The following CNTNAP2 variants were observed in gnomAD, a reference collection of about 807,000 sequenced individuals.
CNTNAP2 encodes the protein contactin associated protein 2.
In CNTNAP2, 98 loss-of-function variants were observed where a neutral mutation model predicts 155.2. The ratio of observed to expected loss-of-function variants is 0.63; its 90% confidence interval spans 0.54 to 0.75. The LOEUF is 0.75. Ranked by LOEUF, CNTNAP2 falls within the 30% of genes least tolerant of loss-of-function variation. The probability of loss-of-function intolerance (pLI) is 0.00; values close to 1 mark genes in which losing one functional copy is unlikely to be tolerated. For synonymous variants in CNTNAP2, 651 were observed against 631.2 expected, an observed-to-expected ratio of 1.03 and a Z score of -0.47; for missense variants, 1,727 against 1,688.1, an observed-to-expected ratio of 1.02 and a Z score of -0.40.
At chr7:147,325,244 G>A (rs1563161164) in intron 9 of CNTNAP2, among the ~76,000 whole-genome samples, 1 of 152,148 alleles carries the variant, frequency 6.6e-6, no homozygotes. Context: ...AGGTTGCAGT[G>A]AGCCGAGATC....
rs753880088 is a variant in CNTNAP2 at position 146,431,712 on chromosome 7, G to T, written c.97+314739G>T. On this transcript the variant is annotated intron_variant, in intron 1 of 23. Transcript: ENST00000361727. ...AAGTCACACCAAAGTCACACAGCTG[G>T]TTAGTAAGTAAGAAAAAGTTTTGAT... 3.3e-5 allele frequency among the ~76,000 whole-genome samples: 5 copies of T among 152,142 alleles called. No individual in the cohort carries two copies. In the South Asian group the frequency reaches 1.0e-3, roughly 32 times the overall value.
chr7:147,314,572 A>C (rs1795191598), intron 9 of CNTNAP2, among the ~76,000 whole-genome samples: 1 of 151,076 alleles, frequency 6.6e-6, no homozygotes, highest in Non-Finnish European at 1.5e-5. Flanking sequence ...ATTTGAGTAA[A>C]GATATTCTCT....
chr7:146,866,408 T>C (rs1795206491), intron 3 of CNTNAP2, among the ~76,000 whole-genome samples: 2 of 152,146 alleles, frequency 1.3e-5, no homozygotes, highest in Admixed American at 1.3e-4. Flanking sequence ...TGAGAAAGGG[T>C]AAACAGTCTT....
chr7:147,685,949 G>A (rs1332280716), intron 13 of CNTNAP2, among the ~76,000 whole-genome samples: 2 of 151,974 alleles, frequency 1.3e-5, no homozygotes, highest in African/African-American at 2.4e-5. Flanking sequence ...TAAGTAACCA[G>A]GAGTGAGGGG....
intron 1 of CNTNAP2, among the ~76,000 whole-genome samples, chr7:146,257,352 T>C (rs1435312715): frequency 1.3e-5 from 2 of 152,218 alleles, no homozygotes; most frequent in African/African-American, 4.8e-5. Flanking sequence ...TGCCTCTTTT[T>C]CTTATCTTTC....
intron 9 of CNTNAP2, among the ~76,000 whole-genome samples, chr7:147,312,750 G>C (rs1795149703): frequency 1.8e-5 from 2 of 111,932 alleles, no homozygotes; most frequent in African/African-American, 4.3e-5. Context: ...ATAACAGCAT[G>C]ATTTATAGTC....
intron 1 of CNTNAP2, among the ~76,000 whole-genome samples, chr7:146,132,453 T>C (rs2116738281): frequency 6.6e-6 from 1 of 152,118 alleles, no homozygotes; most frequent in East Asian, 1.9e-4. Flanking sequence ...TTAGGGTACA[T>C]GTGCACATTG....
intron 2 of CNTNAP2, among the ~76,000 whole-genome samples, chr7:146,794,744 G>A (rs1224227841): frequency 6.6e-6 from 1 of 152,066 alleles, no homozygotes; most frequent in Non-Finnish European, 1.5e-5. Flanking sequence ...ACCACGAGAG[G>A]AATAATGTAT....
intron 15 of CNTNAP2, among the ~76,000 whole-genome samples, chr7:148,034,146 T>C (rs562916812): frequency 3.3e-5 from 5 of 152,244 alleles, no homozygotes; most frequent in Non-Finnish European, 5.9e-5. Context: ...GAGACATCTA[T>C]ATCTATCAGG....
chr7:148,397,346 TTACTC>T, intron 22 of CNTNAP2, among the ~76,000 whole-genome samples: 1 of 152,224 alleles, frequency 6.6e-6, no homozygotes, highest in Non-Finnish European at 1.5e-5. Context: ...TTATAGCACC[TTACTC>T]TAAAGTATGC....
intron 14 of CNTNAP2, among the ~76,000 whole-genome samples, chr7:147,941,413 T>A (rs1800719586): frequency 6.6e-6 from 1 of 152,180 alleles, no homozygotes; most frequent in Non-Finnish European, 1.5e-5. Flanking sequence ...ATAGGTCTCC[T>A]TCCTCTCCTG....
intron 8 of CNTNAP2, among the ~76,000 whole-genome samples, chr7:147,187,776 A>T (rs1358584701): frequency 1.3e-5 from 2 of 152,198 alleles, no homozygotes; most frequent in Non-Finnish European, 2.9e-5. Flanking sequence ...GATACATAAA[A>T]TAAAGAGTTA....
At chr7:146,360,991 A>G (rs897635296) in intron 1 of CNTNAP2, among the ~76,000 whole-genome samples, 10 of 152,212 alleles carry the variant, frequency 6.6e-5, no homozygotes, top group Non-Finnish European at 1.3e-4. Flanking sequence ...CAGAAATTAC[A>G]TATAACATCG....
At chr7:147,443,895 A>G (rs892667580) in intron 10 of CNTNAP2, among the ~76,000 whole-genome samples, 45 of 152,200 alleles carry the variant, frequency 3.0e-4, no homozygotes, top group African/African-American at 1.1e-3. Flanking sequence ...CAGGAAGATT[A>G]TCTCCTCCAA....
In CNTNAP2 at chr7:147,850,082, C is replaced by G. The variant is rs1328143342; in HGVS notation, c.2099-53483C>G. 2.0e-5 allele frequency: 3 copies of G among 152,126 alleles called. No individual in the cohort carries two copies. The East Asian group carries it at 5.8e-4, about 29-fold the overall frequency. 9.4% of individuals were successfully genotyped at this position (152,126 alleles called of 1,614,324 possible). A position where few individuals can be genotyped will look rare whatever the true frequency, so the allele number is the denominator to read the frequency against. On this transcript the variant is annotated intron_variant, in intron 13 of 23. Coordinates refer to ENST00000361727, the MANE Select transcript of CNTNAP2 (RefSeq NM_014141.6). ...TCTGGAAAGAGGCAACATTTTAAGA[C>G]CATTCAAGATTAACCTTTACTTGAG...
At chr7:147,861,102 A>G (rs1282900225) in intron 13 of CNTNAP2, among the ~76,000 whole-genome samples, 1 of 152,150 alleles carries the variant, frequency 6.6e-6, no homozygotes, top group East Asian at 1.9e-4. Context: ...TCTGTTTGTG[A>G]TAAGGATTTT....
chr7:147,228,935 C>T (rs1022299857), intron 8 of CNTNAP2, among the ~76,000 whole-genome samples: 4 of 151,926 alleles, frequency 2.6e-5, no homozygotes, highest in African/African-American at 9.7e-5. Context: ...TGTTATTTTG[C>T]TGAGAATGAT....
chr7:146,829,647 G>A (rs1053246582), intron 2 of CNTNAP2, among the ~76,000 whole-genome samples: 4 of 152,044 alleles, frequency 2.6e-5, no homozygotes, highest in South Asian at 2.1e-4. Context: ...ATAAAAGCAC[G>A]TATACTTTTA....
chr7:146,238,481 A>G (rs1463810119), intron 1 of CNTNAP2, among the ~76,000 whole-genome samples: 1 of 152,208 alleles, frequency 6.6e-6, no homozygotes, highest in Non-Finnish European at 1.5e-5. Flanking sequence ...TGAGAAAATT[A>G]TAGAATTGAA....
Sources: allele counts gnomAD v4.1 joint callset (sites outside exome capture counted in the v4.1 genomes callset), GRCh38; gene constraint gnomAD v4.1.1; transcripts MANE v1.5; gene names NCBI Gene and HGNC (gene_info 2026-07-23, HGNC 2026-07-21).